Variants in AKAP6 observed in about 807,000 individuals in gnomAD.
The protein encoded by AKAP6 is A-kinase anchoring protein 6.
Under a neutral mutation model 188.5 loss-of-function variants are expected in AKAP6, and 58 were observed. That is an observed-to-expected ratio of 0.31 (90% confidence interval 0.25 to 0.38). The LOEUF (loss-of-function observed/expected upper bound fraction) is 0.38. Ranked by LOEUF, AKAP6 falls within the 10% of genes least tolerant of loss-of-function variation. The pLI is 1.00. For synonymous variants in AKAP6, 989 were observed against 998.6 expected, an observed-to-expected ratio of 0.99 and a Z score of 0.18; for missense variants, 2,710 against 2,740.0, an observed-to-expected ratio of 0.99 and a Z score of 0.24.
At chr14:32,367,922 A>C (rs1287374548) in intron 1 of AKAP6, among the ~76,000 whole-genome samples, 2 of 152,216 alleles carry the variant, frequency 1.3e-5, no homozygotes, top group African/African-American at 4.8e-5. Context: ...GCTTCTGGAG[A>C]CAGGAAACTC....
At chr14:32,399,768 A>G (rs954470475) in intron 1 of AKAP6, among the ~76,000 whole-genome samples, 8 of 151,996 alleles carry the variant, frequency 5.3e-5, no homozygotes, top group African/African-American at 1.9e-4. Flanking sequence ...AATAGTATCT[A>G]TTCCTTTCTC....
chr14:32,385,787 T>C (rs539863160), intron 1 of AKAP6, among the ~76,000 whole-genome samples: 2 of 151,300 alleles, frequency 1.3e-5, no homozygotes, highest in South Asian at 4.2e-4. Flanking sequence ...ATATGAGATA[T>C]ATGTATATCA....
At chr14:32,377,478 C>T (rs191331398) in intron 1 of AKAP6, among the ~76,000 whole-genome samples, 1 of 152,146 alleles carries the variant, frequency 6.6e-6, no homozygotes, top group Non-Finnish European at 1.5e-5. Flanking sequence ...GCTCGTCACT[C>T]CCATGTGGAA....
chr14:32,440,493 A>G (rs1890537987), intron 2 of AKAP6, among the ~76,000 whole-genome samples: 1 of 152,094 alleles, frequency 6.6e-6, no homozygotes, highest in Non-Finnish European at 1.5e-5. Flanking sequence ...AAAAAACTTG[A>G]TTTAATTAAA....
intron 9 of AKAP6, among the ~76,000 whole-genome samples, chr14:32,720,030 A>G (rs902662917): frequency 6.6e-6 from 1 of 152,206 alleles, no homozygotes; most frequent in Non-Finnish European, 1.5e-5. Context: ...CAGCATTTTC[A>G]TTATAAATAC....
rs987286010 is a variant in AKAP6 at position 32,823,340 on chromosome 14, C to G, written c.5527C>G (p.Leu1843Val). 1 of 1,613,682 alleles carries G rather than the reference C, an allele frequency of 6.2e-7. No homozygotes were observed. Among genetic ancestry groups the G allele is most frequent in the African/African-American group, 1.3e-5 (1 of 74,866 alleles). ...TGAGATGACCAATCCCTCTGATACT[C>G]TGAATATTGAGACCCTTCTAAATGG... ...SSEMTNPSDT[L>V]NIETLLNGSV... Residue 1843 changes from leucine to valine, a missense_variant, in exon 13 of 14, where the codon CTG becomes GTG. By Grantham distance (32) the Leu-to-Val change is conservative. Coordinates refer to ENST00000280979, the MANE Select transcript of AKAP6 (RefSeq NM_004274.5).
At chr14:32,813,895 G>A (rs559824697) in intron 12 of AKAP6, among the ~76,000 whole-genome samples, 66 of 139,896 alleles carry the variant, frequency 4.7e-4, no homozygotes, top group Non-Finnish European at 8.1e-4. Context: ...TTTTTTGCAG[G>A]GGGCGGTTGT....
At chr14:32,445,386 T>G (rs1033222626) in intron 2 of AKAP6, among the ~76,000 whole-genome samples, 33 of 152,072 alleles carry the variant, frequency 2.2e-4, no homozygotes, top group African/African-American at 8.0e-4. Context: ...CTTTTCTCTT[T>G]TTTTGAGATG....
chr14:32,709,008 T>C (rs1890929991), intron 9 of AKAP6, among the ~76,000 whole-genome samples: 1 of 152,072 alleles, frequency 6.6e-6, no homozygotes, highest in Non-Finnish European at 1.5e-5. Context: ...AATGAGTCTC[T>C]AGGGTTAAGC....
chr14:32,457,197 C>T (rs1021128661), intron 2 of AKAP6, among the ~76,000 whole-genome samples: 1 of 152,130 alleles, frequency 6.6e-6, no homozygotes. Context: ...GAAGACAAGG[C>T]TGGACTACTA....
At chr14:32,676,430 G>C (rs1257739239) in intron 7 of AKAP6, among the ~76,000 whole-genome samples, 1 of 152,052 alleles carries the variant, frequency 6.6e-6, no homozygotes, top group African/African-American at 2.4e-5. Flanking sequence ...TATATGTGCT[G>C]TTAACATTCT....
chr14:32,404,785 T>G (rs1889232810), intron 1 of AKAP6, among the ~76,000 whole-genome samples: 1 of 142,792 alleles, frequency 7.0e-6, no homozygotes, highest in Admixed American at 7.3e-5. Context: ...AAAACTAAAT[T>G]TATAAAGGTG....
chr14:32,491,782 A>G (rs928380813), intron 2 of AKAP6, among the ~76,000 whole-genome samples: 1 of 152,256 alleles, frequency 6.6e-6, no homozygotes, highest in East Asian at 1.9e-4. Context: ...ATTAGGTTGT[A>G]CAAATTTTAT....
At chr14:32,692,614 T>G (rs1890229325) in intron 8 of AKAP6, among the ~76,000 whole-genome samples, 1 of 152,222 alleles carries the variant, frequency 6.6e-6, no homozygotes, top group Admixed American at 6.5e-5. Flanking sequence ...GATACTGTTG[T>G]GTCTGCTGAC....
chr14:32,770,296 G>A (rs900478169), intron 11 of AKAP6, among the ~76,000 whole-genome samples: 2 of 152,176 alleles, frequency 1.3e-5, no homozygotes, highest in African/African-American at 4.8e-5. Flanking sequence ...AACCTTGCAA[G>A]ACGAAATTGC....
intron 1 of AKAP6, among the ~76,000 whole-genome samples, chr14:32,372,532 T>G (rs1464970506): frequency 6.7e-6 from 1 of 150,278 alleles, no homozygotes; most frequent in Admixed American, 6.7e-5. Context: ...AGAGTAAAGC[T>G]TCTTTATAGC....
chr14:32,614,690 ATAC>A (rs1200922377), intron 7 of AKAP6, among the ~76,000 whole-genome samples: 2 of 152,100 alleles, frequency 1.3e-5, no homozygotes, highest in Non-Finnish European at 2.9e-5. Flanking sequence ...TTTTGTCCAC[ATAC>A]TACTTTCTTT....
At chr14:32,697,300 G>A (rs888080000) in intron 9 of AKAP6, among the ~76,000 whole-genome samples, 1 of 152,154 alleles carries the variant, frequency 6.6e-6, no homozygotes, top group African/African-American at 2.4e-5. Context: ...AGCAAATGGG[G>A]ACATTTTATT....
intron 1 of AKAP6, among the ~76,000 whole-genome samples, chr14:32,412,455 TA>T (rs751804827): frequency 3.2e-4 from 48 of 152,236 alleles, no homozygotes; most frequent in Non-Finnish European, 5.7e-4. Context: ...ACATACGTCA[TA>T]ATTTTGGTAC....
Sources: gnomAD v4.1 joint callset for allele counts (sites outside exome capture counted in the v4.1 genomes callset) on GRCh38, gnomAD v4.1.1 for gene constraint, MANE v1.5 for transcripts, NCBI Gene and HGNC (gene_info 2026-07-23, HGNC 2026-07-21) for gene names.